The following ANK2 variants were observed in gnomAD, a reference collection of about 807,000 sequenced individuals.
The protein encoded by ANK2 is ankyrin 2.
In ANK2, 83 loss-of-function variants were observed where a neutral mutation model predicts 360.5. The observed-to-expected ratio is 0.23, with a 90% confidence interval of 0.19 to 0.28. The LOEUF (loss-of-function observed/expected upper bound fraction) is 0.28. Ranked by LOEUF, ANK2 falls within the 10% of genes least tolerant of loss-of-function variation. ANK2 has a pLI of 1.00. For synonymous variants in ANK2, 1,740 were observed against 1,759.5 expected, an observed-to-expected ratio of 0.99 and a Z score of 0.28; for missense variants, 4,201 against 4,795.7, an observed-to-expected ratio of 0.88 and a Z score of 3.66.
chr4:112,763,322 G>C, the ANK2 span, among the ~76,000 whole-genome samples: 1 of 150,806 alleles, frequency 6.6e-6, no homozygotes, highest in South Asian at 2.1e-4. Context: ...TCCGTCTCCC[G>C]GGTTTACGCC....
At chr4:113,094,213 AT>A (rs1421038403) in intron 1 of ANK2, among the ~76,000 whole-genome samples, 14 of 152,220 alleles carry the variant, frequency 9.2e-5, no homozygotes, top group African/African-American at 3.4e-4. Context: ...ATATCTGCAA[AT>A]CATATCCCAT....
intron 36 of ANK2, 100 bp from the exon 37 acceptor site, chr4:113,350,128 C>T (rs1184727002): frequency 3.7e-6 from 4 of 1,083,498 alleles, no homozygotes; most frequent in Non-Finnish European, 5.6e-6. Context: ...ATGGTGTCAC[C>T]CAACATGTAT....
chr4:113,311,594 C>T (rs552027082), intron 24 of ANK2, among the ~76,000 whole-genome samples, 195 bp downstream of exon 24: 4 of 152,128 alleles, frequency 2.6e-5, no homozygotes, highest in African/African-American at 7.2e-5. Context: ...AAACTGAGGC[C>T]TAGAAAGATC....
chr4:113,170,183 G>A (rs534517517), intron 1 of ANK2, among the ~76,000 whole-genome samples: 13 of 152,218 alleles, frequency 8.5e-5, no homozygotes, highest in Admixed American at 2.6e-4. Context: ...AATTGTGTAC[G>A]CAAACCAATA....
At chr4:112,970,546 G>A (rs2039138669) in intron 2 of ANK2, among the ~76,000 whole-genome samples, 1 of 152,018 alleles carries the variant, frequency 6.6e-6, no homozygotes, top group African/African-American at 2.4e-5. Flanking sequence ...AGTAGAGATT[G>A]GGTTTCATCA....
intron 1 of ANK2, among the ~76,000 whole-genome samples, chr4:113,147,702 T>A (rs151208840): frequency 1.1e-3 from 166 of 152,342 alleles, no homozygotes; most frequent in African/African-American, 3.8e-3. Context: ...TAAGTTGGAC[T>A]TTATGTCTTC....
intron 2 of ANK2, among the ~76,000 whole-genome samples, chr4:112,969,057 A>T (rs538390742): frequency 1.3e-5 from 2 of 152,208 alleles, no homozygotes; most frequent in Non-Finnish European, 2.9e-5. Context: ...AATCCTCAAC[A>T]TAATTTTGCA....
the ANK2 span, among the ~76,000 whole-genome samples, chr4:112,773,792 ATTTT>A: frequency 1.3e-5 from 2 of 151,862 alleles, no homozygotes; most frequent in African/African-American, 4.8e-5. Flanking sequence ...ATTTTATTTT[ATTTT>A]ATTTTAATTA....
intron 24 of ANK2, among the ~76,000 whole-genome samples, chr4:113,315,010 C>A (rs965072406): frequency 1.4e-5 from 2 of 146,426 alleles, no homozygotes; most frequent in African/African-American, 5.4e-5. Flanking sequence ...ATCCTAATAT[C>A]TTTCTCTCTC....
At chr4:113,288,979 C>A (rs1168148813) in intron 20 of ANK2, among the ~76,000 whole-genome samples, 1 of 152,140 alleles carries the variant, frequency 6.6e-6, no homozygotes, top group Non-Finnish European at 1.5e-5. Flanking sequence ...AAGGATAATG[C>A]AGAGCTGACT....
In ANK2 at chr4:113,055,903, G is replaced by A. The variant is rs2069504373; in HGVS notation, c.84+6091G>A. ...GATATCCTCCTGATTCTTCCTTCCA[G>A]TGTTGCTGCCATTTTGCGTCAGTTG... is the stretch of plus-strand genomic sequence containing the variant. On this transcript the variant is annotated intron_variant, in intron 1 of 45. Transcript: ENST00000357077. Among the ~76,000 whole-genome samples, 4 of 152,104 alleles carry A rather than the reference G, an allele frequency of 2.6e-5. No homozygotes were observed. The South Asian group carries it at 8.3e-4, about 32-fold the overall frequency.
chr4:113,012,055 G>T (rs1433662410), intron 2 of ANK2, among the ~76,000 whole-genome samples: 1 of 151,914 alleles, frequency 6.6e-6, no homozygotes, highest in East Asian at 1.9e-4. Flanking sequence ...ATGTTCTTTG[G>T]TCCTGGTTGT....
At chr4:112,864,468 C>G (rs555883199) in intron 1 of ANK2, among the ~76,000 whole-genome samples, 2 of 152,072 alleles carry the variant, frequency 1.3e-5, no homozygotes, top group South Asian at 4.2e-4. Flanking sequence ...TGCCAACATG[C>G]CCAGCTAATT....
chr4:112,750,155 G>A, the ANK2 span, among the ~76,000 whole-genome samples: 1 of 151,860 alleles, frequency 6.6e-6, no homozygotes, highest in Non-Finnish European at 1.5e-5. Flanking sequence ...TCACTGGCTG[G>A]GTGCAGTGGC....
chr4:113,298,000 C>T (rs1041313640), intron 22 of ANK2, among the ~76,000 whole-genome samples: 9 of 151,896 alleles, frequency 5.9e-5, no homozygotes, highest in Non-Finnish European at 1.0e-4. Flanking sequence ...TGTCCAGGCT[C>T]GTCTCAAACG....
chr4:113,023,291 CA>C (rs2058569674), intron 2 of ANK2, among the ~76,000 whole-genome samples: 1 of 152,168 alleles, frequency 6.6e-6, no homozygotes, highest in Non-Finnish European at 1.5e-5. Context: ...TTTCGTTTCA[CA>C]AACTTCCCAC....
chr4:113,145,249 G>A (rs1248601851), intron 1 of ANK2, among the ~76,000 whole-genome samples: 2 of 152,130 alleles, frequency 1.3e-5, no homozygotes, highest in African/African-American at 4.8e-5. Context: ...ACGGTAAAAG[G>A]ATGGCTAATT....
At chr4:113,044,170 A>G (rs1388672524) in intron 2 of ANK2, among the ~76,000 whole-genome samples, 1 of 152,162 alleles carries the variant, frequency 6.6e-6, no homozygotes, top group African/African-American at 2.4e-5. Context: ...TTCATAAACA[A>G]CACCATAATC....
intron 1 of ANK2, among the ~76,000 whole-genome samples, chr4:113,104,673 C>T (rs2093392332): frequency 6.6e-6 from 1 of 152,156 alleles, no homozygotes; most frequent in Admixed American, 6.5e-5. Context: ...TGAGATTGTG[C>T]CACTGCACTC....
Sources: allele counts gnomAD v4.1 joint callset (sites outside exome capture counted in the v4.1 genomes callset), GRCh38; gene constraint gnomAD v4.1.1; transcripts MANE v1.5; gene names NCBI Gene and HGNC (gene_info 2026-07-23, HGNC 2026-07-21).